Variants in USP28 observed in about 807,000 individuals in gnomAD.
The protein encoded by USP28 is ubiquitin specific peptidase 28, also known as ubiquitin carboxyl-terminal hydrolase 28.
In USP28, 113 loss-of-function variants were observed where a neutral mutation model predicts 145.0. The ratio of observed to expected loss-of-function variants is 0.78; its 90% CI spans 0.67 to 0.91. The LOEUF (loss-of-function observed/expected upper bound fraction) is 0.91. Among genes scored for constraint, USP28 ranks in the 40% least tolerant of loss-of-function variants. USP28 has a pLI of 0.00. For missense variants in USP28, 1,201 were observed against 1,289.6 expected, an observed-to-expected ratio of 0.93 and a Z score of 1.05; for synonymous variants, 447 against 450.9, an observed-to-expected ratio of 0.99 and a Z score of 0.11.
At chr11:113,834,825 T>A (rs1944387658) in intron 5 of USP28, among the ~76,000 whole-genome samples, 2 of 151,562 alleles carry the variant, frequency 1.3e-5, no homozygotes, top group Non-Finnish European at 2.9e-5. Context: ...CTATATAAAG[T>A]GAAAATGAAA....
At position 113,817,713 on chromosome 11, in the gene USP28, T is replaced by C. The variant is rs867602900; in HGVS notation, c.1408A>G (p.Thr470Ala). 7 of 1,614,228 alleles carry C rather than the reference T, an allele frequency of 4.3e-6. 1 individual carries two copies. Among genetic ancestry groups the C allele is most frequent in the African/African-American group, 1.3e-5 (1 of 75,058 alleles). Residue 470 changes from threonine to alanine, a missense_variant, in exon 13 of 25, where the codon ACA (threonine) becomes GCA (alanine). Thr to Ala is a moderately conservative substitution (Grantham distance 58). Transcript: ENST00000003302. ...CAGTGCACTGAAGAAAGTGGTAATG[T>C]CATATGTGTGTCACTTTCAGGTGGA...
At chr11:113,826,737 T>C (rs1257358222) in intron 11 of USP28, among the ~76,000 whole-genome samples, 5 of 151,918 alleles carry the variant, frequency 3.3e-5, no homozygotes, top group African/African-American at 9.7e-5. Context: ...CTGACCAACA[T>C]GGAGAAACCC....
chr11:113,834,606 C>T (rs1409550259), intron 5 of USP28, among the ~76,000 whole-genome samples: 1 of 152,060 alleles, frequency 6.6e-6, no homozygotes, highest in Non-Finnish European at 1.5e-5. Context: ...TTTGTAGAGA[C>T]AGGGTCTCCC....
At chr11:113,870,892 A>T (rs1005361398) in intron 1 of USP28, among the ~76,000 whole-genome samples, 6 of 152,204 alleles carry the variant, frequency 3.9e-5, no homozygotes, top group African/African-American at 1.4e-4. Context: ...AGCAAACAAG[A>T]GGAGGAAGGT....
chr11:113,798,485 G>C (rs1938350939), exon 25 of USP28: 1 of 152,348 alleles, frequency 6.6e-6, no homozygotes, highest in Non-Finnish European at 1.5e-5. Context: ...CCTATTGACT[G>C]TTTTTGACAA....
chr11:113,810,175 C>A (rs1280116861), intron 16 of USP28, among the ~76,000 whole-genome samples: 5 of 152,070 alleles, frequency 3.3e-5, no homozygotes, highest in Non-Finnish European at 5.9e-5. Flanking sequence ...TTAACCACTG[C>A]ATTTGGCGGA....
intron 21 of USP28, 45 bp from the exon 23 acceptor site, chr11:113,803,922 T>C (rs763155363): frequency 6.5e-7 from 1 of 1,534,002 alleles, no homozygotes; most frequent in Non-Finnish European, 9.0e-7. Context: ...CATAATAGAT[T>C]GTTAGTGTCC....
chr11:113,813,860 A>C, intron 15 of USP28, 25 bp downstream of exon 15: 6 of 1,597,174 alleles, frequency 3.8e-6, no homozygotes, highest in Non-Finnish European at 5.1e-6. Flanking sequence ...TGCCTTGACT[A>C]CTTTCCCATC....
intron 13 of USP28, among the ~76,000 whole-genome samples, chr11:113,816,524 A>G (rs1013539808): frequency 1.3e-5 from 2 of 152,052 alleles, no homozygotes; most frequent in Non-Finnish European, 2.9e-5. Context: ...AAAAACAAAC[A>G]AACAAACAAA....
intron 14 of USP28, among the ~76,000 whole-genome samples, chr11:113,814,435 C>A (rs1268098627): frequency 6.6e-6 from 1 of 152,150 alleles, no homozygotes; most frequent in Non-Finnish European, 1.5e-5. Flanking sequence ...TTTAAGAATA[C>A]AATGCTGAAT....
chr11:113,809,210 G>A, exon 17 of USP28: 1 of 1,614,182 alleles, frequency 6.2e-7, no homozygotes, highest in Non-Finnish European at 8.5e-7. Flanking sequence ...TCCACAGATA[G>A]GGCTTCCACT....
chr11:113,800,681 C>T (rs1938830162), intron 24 of USP28, among the ~76,000 whole-genome samples: 1 of 152,096 alleles, frequency 6.6e-6, no homozygotes, highest in Non-Finnish European at 1.5e-5. Flanking sequence ...ACTGAACTCA[C>T]CTAAAAACAA....
At chr11:113,819,174 A>G (rs1942221966) in intron 12 of USP28, among the ~76,000 whole-genome samples, 1 of 150,390 alleles carries the variant, frequency 6.6e-6, no homozygotes, top group African/African-American at 2.5e-5. Context: ...GTGCAGCGGC[A>G]CGATCTCGGC....
At chr11:113,847,999 A>ATAAT (rs2136339744) in intron 3 of USP28, among the ~76,000 whole-genome samples, 1 of 152,344 alleles carries the variant, frequency 6.6e-6, no homozygotes, top group South Asian at 2.1e-4. Flanking sequence ...AAAAAACAAC[A>ATAAT]GGTTCATTAA....
At chr11:113,803,721 CT>C in intron 22 of USP28, 76 bp downstream of exon 23, 2 of 1,208,012 alleles carry the variant, frequency 1.7e-6, no homozygotes, top group Non-Finnish European at 2.4e-6. Context: ...GGCTGTGACT[CT>C]TAGTATTCCC....
exon 14 of USP28, chr11:113,815,197 C>T: frequency 3.1e-6 from 5 of 1,614,198 alleles, no homozygotes; most frequent in Non-Finnish European, 4.2e-6. Flanking sequence ...TTCAATCTCA[C>T]TCCTCCATCT....
chr11:113,875,268 C>T (rs1022073050), intron 1 of USP28, among the ~76,000 whole-genome samples, 177 bp downstream of exon 1: 2 of 152,118 alleles, frequency 1.3e-5, no homozygotes, highest in Admixed American at 1.3e-4. Context: ...CCTCAATCTC[C>T]GCGGCCCGAG....
At chr11:113,835,065 T>TGGCC (rs1944421426) in intron 5 of USP28, 1 of 315,160 alleles carries the variant, frequency 3.2e-6, no homozygotes, top group African/African-American at 2.2e-5. Flanking sequence ...TTTTTTAAGC[T>TGGCC]AGGTGGTTAG....
At chr11:113,853,878 C>CAAAAAA (rs57739058) in intron 2 of USP28, among the ~76,000 whole-genome samples, 1 of 123,232 alleles carries the variant, frequency 8.1e-6, no homozygotes, top group Non-Finnish European at 1.7e-5. Context: ...GACTCCATCT[C>CAAAAAA]AAAAAAAAAA....
Sources: gnomAD v4.1 joint callset for allele counts (sites outside exome capture counted in the v4.1 genomes callset) on GRCh38, gnomAD v4.1.1 for gene constraint, MANE v1.5 for transcripts, NCBI Gene and HGNC (gene_info 2026-07-23, HGNC 2026-07-21) for gene names.